Variants in FHL5 observed in about 807,000 individuals in gnomAD.
FHL5 encodes the protein four and a half LIM domains protein 5.
Under a neutral mutation model 32.0 loss-of-function variants are expected in FHL5, and 33 were observed. The ratio of observed to expected loss-of-function variants is 1.03; its 90% CI spans 0.78 to 1.38. The LOEUF is 1.38. Among genes scored for constraint, FHL5 ranks in the 40% most tolerant of loss-of-function variants. The probability of loss-of-function intolerance (pLI) is 0.00; values close to 1 mark genes in which losing one functional copy is unlikely to be tolerated. For synonymous variants in FHL5, 114 were observed against 113.6 expected (o/e 1.00, Z -0.02); for missense variants, 336 against 343.9 (o/e 0.98, Z 0.18).
intron 1 of FHL5, among the ~76,000 whole-genome samples, chr6:96,564,526 A>G (rs558581276): frequency 6.6e-6 from 1 of 152,216 alleles, no homozygotes; most frequent in African/African-American, 2.4e-5. Context: ...TGACAAATTT[A>G]CCTCTTATTT....
intron 1 of FHL5, among the ~76,000 whole-genome samples, chr6:96,594,188 A>T (rs995656982): frequency 3.4e-5 from 5 of 146,344 alleles, no homozygotes; most frequent in African/African-American, 1.3e-4. Flanking sequence ...TCAGCAGAAA[A>T]ATGAAAGAAC....
intron 4 of FHL5, among the ~76,000 whole-genome samples, chr6:96,607,808 C>A (rs1048142008): frequency 2.0e-5 from 3 of 151,634 alleles, no homozygotes; most frequent in Non-Finnish European, 4.4e-5. Context: ...CATAGTGACA[C>A]CCTGTCTGTA....
At chr6:96,575,477 T>A (rs1356327055) in intron 1 of FHL5, among the ~76,000 whole-genome samples, 1 of 152,176 alleles carries the variant, frequency 6.6e-6, no homozygotes, top group African/African-American at 2.4e-5. Context: ...AGAGCCTGGA[T>A]CTTACAGTGC....
chr6:96,574,863 T>A (rs1427414899), intron 1 of FHL5, among the ~76,000 whole-genome samples: 1 of 152,146 alleles, frequency 6.6e-6, no homozygotes, highest in East Asian at 1.9e-4. Flanking sequence ...CCAAATGATC[T>A]GAAAAAGATT....
At position 96,592,094 on chromosome 6, in the gene FHL5, T is replaced by A. The variant is rs142819258; in HGVS notation, c.-12-11508T>A. On this transcript the variant is annotated intron_variant, in intron 1 of 5. Transcript: ENST00000450218. ...GGGCACCACTGTCATTGATAACATC[T>A]TATCAGGAGACAGGGTTTGAGAGCA... 5.1e-3 allele frequency among the ~76,000 whole-genome samples: 772 copies of A among 152,246 alleles called. 1 individual carries two copies. Among genetic ancestry groups the A allele is most frequent in the Non-Finnish European group, 9.3e-3 (631 of 67,990 alleles).
rs964550680 is a variant in FHL5 at position 96,618,089 on chromosome 6, A to G, written c.*2317A>G. ...TAAACAAAGCACCACATATGTAGACATAGCACACATATGCAAAACAACTAA... is the reference window on the plus strand; with the variant it reads ...TAAACAAAGCACCACATATGTAGACGTAGCACACATATGCAAAACAACTAA... On this transcript the variant is annotated 3_prime_UTR_variant, in exon 6 of 6. Transcript: ENST00000450218. 9.9e-5 allele frequency among the ~76,000 whole-genome samples: 15 copies of G among 152,206 alleles called. No homozygotes were observed. The highest frequency in any genetic ancestry group is 1.6e-4 in the Non-Finnish European group (11 of 68,028).
intron 1 of FHL5, among the ~76,000 whole-genome samples, chr6:96,572,545 C>A (rs1050019955): frequency 3.3e-5 from 5 of 152,136 alleles, no homozygotes; most frequent in African/African-American, 1.2e-4. Flanking sequence ...CTACTTACTC[C>A]TTGAGTAAGG....
intron 1 of FHL5, among the ~76,000 whole-genome samples, chr6:96,601,599 T>C (rs1771150615): frequency 6.6e-6 from 1 of 152,232 alleles, no homozygotes; most frequent in South Asian, 2.1e-4. Context: ...CATTTTATAA[T>C]ACACTAAAAG....
chr6:96,587,310 G>C (rs748354635), intron 1 of FHL5, among the ~76,000 whole-genome samples: 3 of 152,128 alleles, frequency 2.0e-5, no homozygotes, highest in Non-Finnish European at 2.9e-5. Context: ...TCCCGACTTG[G>C]TTCCTTCTGA....
intron 3 of FHL5, 85 bp from the exon 4 acceptor site, chr6:96,605,815 ACG>A: frequency 9.3e-7 from 1 of 1,080,788 alleles, no homozygotes; most frequent in South Asian, 1.9e-5. Flanking sequence ...TTAACTTAAA[ACG>A]TTTTTAAGTA....
chr6:96,591,975 C>T (rs1770928834), intron 1 of FHL5, among the ~76,000 whole-genome samples: 1 of 152,048 alleles, frequency 6.6e-6, no homozygotes, highest in African/African-American at 2.4e-5. Context: ...TCAGGTACTT[C>T]ACAAGATAAT....
In FHL5 at chr6:96,592,605, G is replaced by A. The variant is rs1350813454; in HGVS notation, c.-12-10997G>A. On this transcript the variant is annotated intron_variant, in intron 1 of 5. Coordinates refer to ENST00000450218, the MANE Select transcript of FHL5 (RefSeq NM_001322466.2). ...GAAAACAGGCATAGGAAATCACAGG[G>A]GTATTGACTGGGGAAGTGGTAAGTG... Among the ~76,000 whole-genome samples the A allele has an allele frequency of 2.0e-5, 3 of 151,792 alleles. No homozygotes were observed. In the East Asian group the frequency reaches 5.8e-4, roughly 29 times the overall value.
intron 1 of FHL5, among the ~76,000 whole-genome samples, chr6:96,599,004 A>T (rs1771092974): frequency 6.6e-6 from 1 of 152,092 alleles, no homozygotes; most frequent in African/African-American, 2.4e-5. Flanking sequence ...TCTCAACTAC[A>T]CTTCTTGTGA....
chr6:96,565,370 G>T (rs1770334346), intron 1 of FHL5, among the ~76,000 whole-genome samples: 1 of 152,112 alleles, frequency 6.6e-6, no homozygotes. Flanking sequence ...ATGAATGAGG[G>T]CAAGTGAGTT....
intron 1 of FHL5, among the ~76,000 whole-genome samples, chr6:96,588,589 G>A (rs12190397): frequency 0.16 from 23,767 of 152,074 alleles, 2,021 homozygotes; most frequent in Middle Eastern, 0.26. Context: ...ATTTTGGTTT[G>A]TTGAACAGAT....
At chr6:96,610,818 A>C (rs1344675718) in intron 5 of FHL5, 60 bp downstream of exon 5, 1 of 1,216,370 alleles carries the variant, frequency 8.2e-7, no homozygotes, top group East Asian at 2.4e-5. Context: ...ATGAAACACT[A>C]TCTAGTTAAT....
chr6:96,597,078 C>T (rs1771050830), intron 1 of FHL5, among the ~76,000 whole-genome samples: 1 of 152,080 alleles, frequency 6.6e-6, no homozygotes, highest in African/African-American at 2.4e-5. Flanking sequence ...ATTTCCACTT[C>T]ATACTCACCC....
At chr6:96,581,499 T>A (rs1293495688) in intron 1 of FHL5, among the ~76,000 whole-genome samples, 1 of 152,200 alleles carries the variant, frequency 6.6e-6, no homozygotes, top group Non-Finnish European at 1.5e-5. Flanking sequence ...ATTCAGCTGA[T>A]CAATGTGTGT....
intron 5 of FHL5, among the ~76,000 whole-genome samples, chr6:96,612,731 T>TA (rs1771438197): frequency 6.6e-6 from 1 of 152,178 alleles, no homozygotes; most frequent in Admixed American, 6.5e-5. Context: ...AAATGTCTAA[T>TA]AACTATCTTA....
Sources: allele counts gnomAD v4.1 joint callset (sites outside exome capture counted in the v4.1 genomes callset), GRCh38; gene constraint gnomAD v4.1.1; transcripts MANE v1.5; gene names NCBI Gene and HGNC (gene_info 2026-07-23, HGNC 2026-07-21).